The following SETBP1 variants were observed in gnomAD, a reference collection of about 807,000 sequenced individuals.
The protein encoded by SETBP1 is SET-binding protein.
In SETBP1, 9 loss-of-function variants were observed where a neutral mutation model predicts 101.0. That is an observed-to-expected ratio of 0.09 (90% CI 0.05 to 0.16). SETBP1 has a LOEUF of 0.16. SETBP1 is among the 10% of genes least tolerant of loss of function. The pLI, the probability that SETBP1 is intolerant of heterozygous loss-of-function variation, is 1.00. For missense variants in SETBP1, 1,858 were observed against 2,033.8 expected, an observed-to-expected ratio of 0.91 and a Z score of 1.66; for synonymous variants, 818 against 788.5, an observed-to-expected ratio of 1.04 and a Z score of -0.63.
intron 4 of SETBP1, among the ~76,000 whole-genome samples, chr18:45,006,354 C>T (rs1011582579): frequency 1.9e-4 from 29 of 152,248 alleles, no homozygotes; most frequent in African/African-American, 7.0e-4. Context: ...CTTGTAGGTT[C>T]GTTCAGAGTC....
Position 44,950,572 on chromosome 18 carries a change from T to C in SETBP1, c.1232T>C (p.Leu411Pro). The C allele has an allele frequency of 6.2e-7, 1 of 1,614,048 alleles. No individual in the cohort carries two copies. Among genetic ancestry groups the C allele is most frequent in the Non-Finnish European group, 8.5e-7 (1 of 1,180,032 alleles). ...ACTATCCCCATCAAGGCACCCTCTCTGGATCCAACCAACCATAAGAGGAAA... is the reference window on the plus strand; with the variant it reads ...ACTATCCCCATCAAGGCACCCTCTCCGGATCCAACCAACCATAAGAGGAAA... ...RITIPIKAPS[L>P]DPTNHKRKKR... Residue 411 changes from leucine (L) to proline (P), a missense_variant, in exon 4 of 6, where the codon CTG (leucine) becomes CCG (proline). Transcript: ENST00000649279.
At chr18:44,979,148 C>A (rs546865073) in intron 4 of SETBP1, among the ~76,000 whole-genome samples, 9 of 152,358 alleles carry the variant, frequency 5.9e-5, no homozygotes, top group Non-Finnish European at 1.5e-5. Context: ...GCTACCACAA[C>A]ACCATGAGAG....
chr18:44,985,249 CTT>C, intron 4 of SETBP1, among the ~76,000 whole-genome samples: 1 of 151,912 alleles, frequency 6.6e-6, no homozygotes, highest in Non-Finnish European at 1.5e-5. Flanking sequence ...ACAAGAAAGT[CTT>C]AAAAAAAAAA....
rs138513221 is a variant in SETBP1 at position 44,722,495 on chromosome 18, T to G, written c.486+20663T>G. Among the ~76,000 whole-genome samples, 536 of 152,314 alleles carry G rather than the reference T, an allele frequency of 3.5e-3. 7 individuals carry two copies. The highest frequency in any genetic ancestry group is 0.012 in the African/African-American group (506 of 41,550). On this transcript the variant is annotated intron_variant, in intron 2 of 5. Coordinates refer to ENST00000649279, the MANE Select transcript of SETBP1 (RefSeq NM_015559.3). Reference sequence around the variant, plus strand: ...AGTATTTGCTACCAATGGATCCTTCTATGTCAAAGATACTGTTGTTTTGTC... The same window carrying G: ...AGTATTTGCTACCAATGGATCCTTCGATGTCAAAGATACTGTTGTTTTGTC...
intron 3 of SETBP1, chr18:44,876,680 C>T: frequency 6.5e-7 from 1 of 1,541,350 alleles, no homozygotes; most frequent in Non-Finnish European, 8.7e-7. Context: ...CCCCGGAACC[C>T]ATTCCCCGCA....
chr18:44,929,887 A>T (rs572078030), intron 3 of SETBP1, among the ~76,000 whole-genome samples: 1 of 152,298 alleles, frequency 6.6e-6, no homozygotes, highest in East Asian at 1.9e-4. Context: ...GCAAACAGGG[A>T]CAATTTGACT....
At chr18:44,876,692 A>G in intron 3 of SETBP1, 1 of 1,512,990 alleles carries the variant, frequency 6.6e-7, no homozygotes, top group Non-Finnish European at 8.9e-7. Context: ...TTCCCCGCAA[A>G]ACCCGGTTCT....
chr18:44,792,234 G>C (rs375188257), intron 2 of SETBP1, among the ~76,000 whole-genome samples: 1 of 152,198 alleles, frequency 6.6e-6, no homozygotes. Context: ...CGCAAATACA[G>C]TGTCATGCTG....
intron 5 of SETBP1, among the ~76,000 whole-genome samples, chr18:45,050,070 T>C (rs956278833): frequency 2.6e-5 from 4 of 152,254 alleles, no homozygotes; most frequent in Admixed American, 2.6e-4. Flanking sequence ...CTCTGTACTG[T>C]AGAGGAACTA....
chr18:44,841,959 G>A (rs989348012), intron 2 of SETBP1, among the ~76,000 whole-genome samples: 1 of 152,238 alleles, frequency 6.6e-6, no homozygotes, highest in Non-Finnish European at 1.5e-5. Flanking sequence ...GACAGCTTGG[G>A]CGTGATTTAG....
At chr18:44,929,397 C>A (rs555551651) in intron 3 of SETBP1, among the ~76,000 whole-genome samples, 74 of 152,192 alleles carry the variant, frequency 4.9e-4, no homozygotes, top group Middle Eastern at 3.4e-3. Flanking sequence ...CTTTTGGCTT[C>A]GGATTGTCTT....
In SETBP1 at chr18:44,954,424, A is replaced by G. The variant is rs984434863; in HGVS notation, c.4000+1084A>G. ...AGCCAAAGCCTGGCTTTAAAAACCA[A>G]TCATCCATGTTTAAGGTTTGGTGTA... On this transcript the variant is annotated intron_variant, in intron 4 of 5. Coordinates refer to ENST00000649279, the MANE Select transcript of SETBP1 (RefSeq NM_015559.3). 4.6e-5 allele frequency among the ~76,000 whole-genome samples: 7 copies of G among 151,644 alleles called. No homozygotes were observed. The East Asian group carries it at 7.7e-4, about 17-fold the overall frequency.
chr18:44,684,839 G>T (rs1201481397), intron 1 of SETBP1, among the ~76,000 whole-genome samples: 1 of 152,008 alleles, frequency 6.6e-6, no homozygotes, highest in Non-Finnish European at 1.5e-5. Context: ...TAGAGACGGG[G>T]TTTCACCATG....
chr18:44,757,744 C>T (rs941548362), intron 2 of SETBP1, among the ~76,000 whole-genome samples: 1 of 152,136 alleles, frequency 6.6e-6, no homozygotes, highest in African/African-American at 2.4e-5. Flanking sequence ...TTCACACCAC[C>T]GAGATTTAAT....
chr18:44,737,603 G>A (rs2069997997), intron 2 of SETBP1, among the ~76,000 whole-genome samples: 1 of 152,240 alleles, frequency 6.6e-6, no homozygotes, highest in Admixed American at 6.5e-5. Flanking sequence ...TGCCCTGAGT[G>A]TGTAACCTTA....
intron 3 of SETBP1, among the ~76,000 whole-genome samples, chr18:44,897,514 C>T (rs994037322): frequency 1.3e-5 from 2 of 152,120 alleles, no homozygotes; most frequent in Non-Finnish European, 1.5e-5. Flanking sequence ...TGGGACACAT[C>T]GGGCTCATTT....
At chr18:44,869,642 G>T in intron 3 of SETBP1, 1 of 351,800 alleles carries the variant, frequency 2.8e-6, no homozygotes, top group South Asian at 2.3e-5. Flanking sequence ...TCTCTTTTTG[G>T]ACAGGACACT....
At chr18:44,706,440 G>A (rs1165480368) in intron 2 of SETBP1, among the ~76,000 whole-genome samples, 1 of 151,390 alleles carries the variant, frequency 6.6e-6, no homozygotes, top group African/African-American at 2.4e-5. Context: ...ACAAAAATTA[G>A]CCAGGCATGG....
At chr18:44,811,873 C>A (rs1462892577) in intron 2 of SETBP1, among the ~76,000 whole-genome samples, 1 of 152,182 alleles carries the variant, frequency 6.6e-6, no homozygotes, top group Non-Finnish European at 1.5e-5. Flanking sequence ...TCAATGCTGA[C>A]ACTGGAAGGG....
Sources: gnomAD v4.1 joint callset for allele counts (sites outside exome capture counted in the v4.1 genomes callset) on GRCh38, gnomAD v4.1.1 for gene constraint, MANE v1.5 for transcripts, NCBI Gene and HGNC (gene_info 2026-07-23, HGNC 2026-07-21) for gene names.